Variants in DNAJC21 observed in about 807,000 individuals in gnomAD.
DNAJC21 encodes the protein DnaJ heat shock protein family (Hsp40) member C21, also known as dnaJ homolog subfamily C member 21.
Under a neutral mutation model 72.4 loss-of-function variants are expected in DNAJC21, and 63 were observed. The observed-to-expected ratio is 0.87, with a 90% CI of 0.71 to 1.07. DNAJC21 has a LOEUF of 1.07. Among genes scored for constraint, DNAJC21 ranks in the 50% least tolerant of loss-of-function variants. The probability of loss-of-function intolerance (pLI) is 0.00; values close to 1 mark genes in which losing one functional copy is unlikely to be tolerated. For missense variants in DNAJC21, 634 were observed against 644.8 expected, an observed-to-expected ratio of 0.98 and a Z score of 0.18; for synonymous variants, 203 against 216.7, an observed-to-expected ratio of 0.94 and a Z score of 0.56.
rs181439735 is a variant in DNAJC21, at chr5:34,937,223, A to G, written c.439-103A>G. ...AGAGATTATTAGAAGTGTTATATAC[A>G]TGAAAAAAGAAAGGTAAAAGATGTT... is the stretch of plus-strand genomic sequence containing the variant. On this transcript the variant is annotated intron_variant, in intron 4 of 11. Coordinates refer to ENST00000648817, the MANE Select transcript of DNAJC21 (RefSeq NM_001012339.3). 8.2e-6 allele frequency: 10 copies of G among 1,223,438 alleles called. No homozygotes were observed. In the African/African-American group the frequency reaches 1.1e-4, roughly 13 times the overall value. 75.8% of individuals were successfully genotyped at this position (1,223,438 alleles called of 1,614,324 possible). A position where few individuals can be genotyped will look rare whatever the true frequency, so the allele number is the denominator to read the frequency against.
intron 5 of DNAJC21, 108 bp downstream of exon 5, chr5:34,937,738 CCTG>C: frequency 7.7e-7 from 1 of 1,305,376 alleles, no homozygotes; most frequent in Non-Finnish European, 1.0e-6. Context: ...CTGGCTTTAT[CCTG>C]CTTTTTCTTC....
intron 10 of DNAJC21, chr5:34,952,590 A>G (rs1765408990): frequency 6.6e-6 from 1 of 152,218 alleles, no homozygotes; most frequent in Non-Finnish European, 1.5e-5. Context: ...TGAAATGCCA[A>G]GGAAAATTGA....
intron 7 of DNAJC21, among the ~76,000 whole-genome samples, chr5:34,943,292 T>C (rs960724366): frequency 1.3e-5 from 2 of 152,244 alleles, no homozygotes; most frequent in South Asian, 2.1e-4. Context: ...GTTTACATTT[T>C]AGAAGTACAC....
intron 4 of DNAJC21, 105 bp from the exon 5 acceptor site, chr5:34,937,221 A>T: frequency 1.7e-6 from 2 of 1,175,410 alleles, no homozygotes; most frequent in Non-Finnish European, 1.2e-6. Flanking sequence ...AGTGTTATAT[A>T]CATGAAAAAA....
chr5:34,946,955 C>T (rs1251495466), intron 9 of DNAJC21, among the ~76,000 whole-genome samples: 1 of 152,136 alleles, frequency 6.6e-6, no homozygotes, highest in Non-Finnish European at 1.5e-5. Context: ...TAGCATCTCT[C>T]GTTTATGATT....
intron 10 of DNAJC21, chr5:34,951,526 TTC>T: frequency 1.0e-6 from 1 of 983,484 alleles, no homozygotes; most frequent in Non-Finnish European, 1.2e-6. Flanking sequence ...TCCATGTTAC[TTC>T]TTTTTTTTTT....
intron 7 of DNAJC21, among the ~76,000 whole-genome samples, chr5:34,942,365 A>C (rs1428571793): frequency 2.6e-5 from 4 of 152,174 alleles, no homozygotes; most frequent in Non-Finnish European, 5.9e-5. Context: ...AAATGGGAGT[A>C]GAATCAGCAA....
rs1764507111 is a variant in DNAJC21, at chr5:34,929,656, A to ACCGCCACCGCCG, written c.-159_-158insACCGCCGCCGCC. 6.5e-6 allele frequency: 1 copy of ACCGCCACCGCCG among 154,650 alleles called. No homozygotes were observed. Among genetic ancestry groups the ACCGCCACCGCCG allele is most frequent in the East Asian group, 2.2e-4 (1 of 4,524 alleles). 9.6% of individuals were successfully genotyped at this position (154,650 alleles called of 1,614,324 possible). A position where few individuals can be genotyped will look rare whatever the true frequency, so the allele number is the denominator to read the frequency against. ...CCGCGCGCCTTCACTGACCTACACC[A>ACCGCCACCGCCG]CCGCCGCCGCCGCCGCCGCCGCCGG... On this transcript the variant is annotated 5_prime_UTR_variant, in exon 1 of 12. Coordinates refer to ENST00000648817, the MANE Select transcript of DNAJC21 (RefSeq NM_001012339.3).
At chr5:34,949,236 T>C (rs1334867744) in intron 9 of DNAJC21, among the ~76,000 whole-genome samples, 1 of 152,182 alleles carries the variant, frequency 6.6e-6, no homozygotes, top group Admixed American at 6.5e-5. Flanking sequence ...GCTAGAAATG[T>C]TTAACCTGAA....
intron 2 of DNAJC21, among the ~76,000 whole-genome samples, chr5:34,934,301 T>C (rs1220367113): frequency 2.0e-5 from 3 of 152,066 alleles, no homozygotes; most frequent in Non-Finnish European, 4.4e-5. Flanking sequence ...CAATCTCAGC[T>C]CACTGCAACC....
Position 34,950,154 on chromosome 5 carries a change from A to G in DNAJC21, c.1186-16A>G, listed in dbSNP as rs1211606236. The G allele has an allele frequency of 6.3e-7, 1 of 1,589,362 alleles. No homozygotes were observed. Among genetic ancestry groups the G allele is most frequent in the East Asian group, 2.2e-5 (1 of 44,554 alleles). ...TTATATTTATTTTGTAACGGCACAT[A>G]TGTTTTATTACCTAGAATTATGATG... On this transcript the variant is annotated splice_polypyrimidine_tract_variant and intron_variant, in intron 9 of 11. Coordinates refer to ENST00000648817, the MANE Select transcript of DNAJC21 (RefSeq NM_001012339.3).
At chr5:34,939,334 C>T (rs374373366) in intron 6 of DNAJC21, among the ~76,000 whole-genome samples, 15 of 151,992 alleles carry the variant, frequency 9.9e-5, no homozygotes, top group Admixed American at 7.9e-4. Context: ...GGCGCAATCT[C>T]GGCTCACTGC....
intron 1 of DNAJC21, among the ~76,000 whole-genome samples, chr5:34,931,195 T>C (rs935780222): frequency 6.6e-6 from 1 of 152,044 alleles, no homozygotes; most frequent in Admixed American, 6.6e-5. Context: ...GAGTGAGAGA[T>C]AGAGGTGTGG....
intron 9 of DNAJC21, among the ~76,000 whole-genome samples, chr5:34,948,713 A>G (rs1765252308): frequency 6.6e-6 from 1 of 152,084 alleles, no homozygotes; most frequent in Non-Finnish European, 1.5e-5. Context: ...AAAAATACAA[A>G]AATTAGCCGG....
rs1765494049 is a variant in DNAJC21 at position 34,954,962 on chromosome 5, T to G, written c.*248T>G. The G allele has an allele frequency of 6.7e-6, 2 of 298,734 alleles. No homozygotes were observed. Among genetic ancestry groups the G allele is most frequent in the Non-Finnish European group, 1.2e-5 (2 of 165,510 alleles). 18.5% of individuals were successfully genotyped at this position (298,734 alleles called of 1,614,324 possible). On this transcript the variant is annotated 3_prime_UTR_variant, in exon 12 of 12. Coordinates refer to ENST00000648817, the MANE Select transcript of DNAJC21 (RefSeq NM_001012339.3). ...TAAAACAGGTAAATACTGTAAAGTG[T>G]GTATTCTTGATGTTTATTGGCTCAT...
At position 34,956,672 on chromosome 5, in the gene DNAJC21, C is replaced by G. The variant is rs544194018; in HGVS notation, c.*1958C>G. On this transcript the variant is annotated 3_prime_UTR_variant, in exon 12 of 12. Coordinates refer to ENST00000648817, the MANE Select transcript of DNAJC21 (RefSeq NM_001012339.3). ...TATGACTTCTTTGCTTTCTCTTATA[C>G]CAAACATGCAGGTATTTAATTTGTT... The G allele has an allele frequency of 1.3e-5, 2 of 152,274 alleles. No homozygotes were observed. Among genetic ancestry groups the G allele is most frequent in the South Asian group, 4.1e-4 (2 of 4,830 alleles). The allele number at this position is 152,274 out of a possible 1,614,324, so 9.4% of individuals were successfully genotyped here. A position where few individuals can be genotyped will look rare whatever the true frequency, so the allele number is the denominator to read the frequency against.
At chr5:34,933,063 A>C (rs1764653431) in intron 1 of DNAJC21, among the ~76,000 whole-genome samples, 1 of 152,258 alleles carries the variant, frequency 6.6e-6, no homozygotes, top group Admixed American at 6.5e-5. Flanking sequence ...CAGCTAAGGA[A>C]ATAATAACTA....
intron 5 of DNAJC21, among the ~76,000 whole-genome samples, chr5:34,938,419 C>T (rs1344924664): frequency 1.3e-5 from 2 of 152,260 alleles, no homozygotes; most frequent in East Asian, 1.9e-4. Context: ...GGTCAGTGTA[C>T]CCTGAGATAC....
In DNAJC21 at chr5:34,929,777, C is replaced by G; in HGVS notation, c.-43C>G. 8.7e-7 allele frequency: 1 copy of G among 1,145,666 alleles called. No individual in the cohort carries two copies. The highest frequency in any genetic ancestry group is 2.3e-5 in the South Asian group (1 of 44,290). 71.0% of individuals were successfully genotyped at this position (1,145,666 alleles called of 1,614,324 possible). A position where few individuals can be genotyped will look rare whatever the true frequency, so the allele number is the denominator to read the frequency against. On this transcript the variant is annotated 5_prime_UTR_variant, in exon 1 of 12. Coordinates refer to ENST00000648817, the MANE Select transcript of DNAJC21 (RefSeq NM_001012339.3). The stretch of plus-strand genomic sequence containing the variant: ...GCTTCGGCCCGGGCCCGGGCCCCGA[C>G]CCCGTCCCGGGCCCCAGCGCCGGCC...
Sources: gnomAD v4.1 joint callset for allele counts (sites outside exome capture counted in the v4.1 genomes callset) on GRCh38, gnomAD v4.1.1 for gene constraint, MANE v1.5 for transcripts, NCBI Gene and HGNC (gene_info 2026-07-23, HGNC 2026-07-21) for gene names.